The following NUP43 variants were observed in gnomAD, a reference collection of about 807,000 sequenced individuals.
NUP43 encodes nucleoporin 43.
In NUP43, 32 loss-of-function variants were observed where a neutral mutation model predicts 47.3. That is an observed-to-expected ratio of 0.68 (90% confidence interval 0.51 to 0.91). NUP43 has a LOEUF of 0.91. Among genes scored for constraint, NUP43 ranks in the 40% least tolerant of loss-of-function variants. The pLI, the probability that NUP43 is intolerant of heterozygous loss-of-function variation, is 0.00. For missense variants in NUP43, 444 were observed against 453.9 expected (o/e 0.98, Z 0.20); for synonymous variants, 147 against 158.4 (o/e 0.93, Z 0.54).
At chr6:149,743,424 C>T (rs562334103) in intron 3 of NUP43, among the ~76,000 whole-genome samples, 4 of 151,782 alleles carry the variant, frequency 2.6e-5, no homozygotes, top group South Asian at 4.2e-4. Flanking sequence ...GGAGAAACCC[C>T]GTCTCTACTA....
chr6:149,742,302 C>T lies in NUP43; in HGVS notation c.502+88G>A, dbSNP rs555270348. 200 of 1,258,888 alleles carry T rather than the reference C, an allele frequency of 1.6e-4. No individual in the cohort carries two copies. The South Asian group carries it at 1.6e-3, about 10-fold the overall frequency. 78.0% of individuals were successfully genotyped at this position (1,258,888 alleles called of 1,614,324 possible). ...CGGCCTCCCAAAGTGCTGCAATTGC[C>T]GGGGTGAGCCACCACACCCAGCCTA... On this transcript the variant is annotated intron_variant, in intron 4 of 7. Coordinates refer to ENST00000340413, the MANE Select transcript of NUP43 (RefSeq NM_198887.3).
At chr6:149,728,214 A>G (rs890540218) in intron 7 of NUP43, 1 of 983,416 alleles carries the variant, frequency 1.0e-6, no homozygotes. Context: ...AGCAGGATGC[A>G]TATTTTATAT....
At chr6:149,727,926 T>C (rs2115071713) in intron 7 of NUP43, 5 of 984,630 alleles carry the variant, frequency 5.1e-6, no homozygotes, top group Non-Finnish European at 6.0e-6. Context: ...AACAAATGAC[T>C]GAGTACCTAC....
In NUP43 at chr6:149,736,724, A is replaced by T; in HGVS notation, c.639-102T>A. 3 of 1,004,672 alleles carry T rather than the reference A, an allele frequency of 3.0e-6. No homozygotes were observed. The East Asian group carries it at 7.5e-5, about 25-fold the overall frequency. The allele number at this position is 1,004,672 out of a possible 1,614,324, so 62.2% of individuals were successfully genotyped here. A position where few individuals can be genotyped will look rare whatever the true frequency, so the allele number is the denominator to read the frequency against. ...TTTGTTTGTTTTGAGACAAGGCCTC[A>T]CTTACCCAGGCTGGAATGCAGCGCT... is the stretch of plus-strand genomic sequence containing the variant. On this transcript the variant is annotated intron_variant, in intron 5 of 7. Coordinates refer to ENST00000340413, the MANE Select transcript of NUP43 (RefSeq NM_198887.3).
intron 5 of NUP43, among the ~76,000 whole-genome samples, chr6:149,736,874 A>T (rs775312997): frequency 1.3e-5 from 2 of 152,022 alleles, no homozygotes; most frequent in Non-Finnish European, 2.9e-5. Flanking sequence ...ATTTTTGTAG[A>T]GATGGGGTTT....
At chr6:149,746,537 G>A (rs781556452), upstream of NUP43, 7 of 1,613,928 alleles carry the variant, frequency 4.3e-6, no homozygotes, top group Middle Eastern at 1.6e-4. Flanking sequence ...AGCAAGCACA[G>A]TACGCGCCTC....
At chr6:149,745,319 G>A (rs1432562201) in intron 2 of NUP43, among the ~76,000 whole-genome samples, 1 of 151,072 alleles carries the variant, frequency 6.6e-6, no homozygotes, top group Non-Finnish European at 1.5e-5. Flanking sequence ...AGAATCGCTT[G>A]AACCCGGGAA....
intron 2 of NUP43, among the ~76,000 whole-genome samples, chr6:149,744,808 C>G (rs554887881): frequency 6.6e-6 from 1 of 151,472 alleles, no homozygotes; most frequent in Non-Finnish European, 1.5e-5. Flanking sequence ...TGCACTCCAG[C>G]TCGGGTGACA....
At chr6:149,746,122 G>T in intron 1 of NUP43, 60 bp from the exon 2 acceptor site, 2 of 1,576,024 alleles carry the variant, frequency 1.3e-6, no homozygotes, top group Non-Finnish European at 8.6e-7. Flanking sequence ...GAAAATAAAA[G>T]TTGTGCTCCC....
upstream of NUP43, among the ~76,000 whole-genome samples, chr6:149,748,485 G>C (rs553238740): frequency 6.6e-6 from 1 of 152,268 alleles, no homozygotes; most frequent in East Asian, 1.9e-4. Context: ...TGATATAGTG[G>C]CACAGATGTC....
chr6:149,743,772 C>T, intron 2 of NUP43, 57 bp from the exon 3 acceptor site: 2 of 1,100,132 alleles, frequency 1.8e-6, no homozygotes, highest in East Asian at 2.4e-5. Context: ...GGAGGAAGTC[C>T]ATTTGTTTAT....
chr6:149,746,449 G>A lies in NUP43; in HGVS notation c.47C>T (p.Thr16Ile). 1.9e-6 allele frequency: 3 copies of A among 1,614,090 alleles called. No individual in the cohort carries two copies. The highest frequency in any genetic ancestry group is 2.5e-6 in the Non-Finnish European group (3 of 1,180,010). The change falls in exon 1 of 8, where the codon ACC (threonine) becomes ATC (isoleucine). Residue 16 changes from threonine to isoleucine, a missense_variant. Thr to Ile is a moderately conservative substitution (Grantham distance 89). Coordinates refer to ENST00000340413, the MANE Select transcript of NUP43 (RefSeq NM_198887.3). ...AKFVSQKISK[T>I]RWRPLPPGSL... ...TCCCGGAGGCAGCGGTCGCCAGCGG[G>A]TTTTGCTGATTTTCTGGGACACAAA...
chr6:149,726,906 C>A lies in NUP43; in HGVS notation c.*63G>T. ...TATTTTCTGATACTAAAATTTTGCACAGAAGTTGGATTTCAAAAGGCTAAT... is the reference window on the plus strand; with the variant it reads ...TATTTTCTGATACTAAAATTTTGCAAAGAAGTTGGATTTCAAAAGGCTAAT... On this transcript the variant is annotated 3_prime_UTR_variant, in exon 8 of 8. Coordinates refer to ENST00000340413, the MANE Select transcript of NUP43 (RefSeq NM_198887.3). 1.5e-6 allele frequency: 2 copies of A among 1,317,248 alleles called. No homozygotes were observed. Among genetic ancestry groups the A allele is most frequent in the Admixed American group, 1.9e-5 (1 of 52,966 alleles). The allele number at this position is 1,317,248 out of a possible 1,614,324, so 81.6% of individuals were successfully genotyped here.
At chr6:149,744,011 C>T (rs780873557) in intron 2 of NUP43, among the ~76,000 whole-genome samples, 4 of 152,150 alleles carry the variant, frequency 2.6e-5, no homozygotes, top group South Asian at 2.1e-4. Context: ...CAGTGGCTCA[C>T]GCCTGTAATC....
intron 3 of NUP43, 102 bp downstream of exon 3, chr6:149,743,536 G>C: frequency 1.5e-6 from 1 of 656,846 alleles, no homozygotes; most frequent in Non-Finnish European, 2.6e-6. Context: ...TGGAGGCTGC[G>C]GTGAGCCGAG....
intron 5 of NUP43, among the ~76,000 whole-genome samples, chr6:149,737,282 T>C (rs1335803081): frequency 6.8e-6 from 1 of 147,604 alleles, no homozygotes; most frequent in Non-Finnish European, 1.5e-5. Context: ...AGACTCTGTC[T>C]CAAAGAAAAA....
At position 149,743,733 on chromosome 6, in the gene NUP43, G is replaced by C; in HGVS notation, c.244-18C>G. On this transcript the variant is annotated intron_variant, in intron 2 of 7. Coordinates refer to ENST00000340413, the MANE Select transcript of NUP43 (RefSeq NM_198887.3). ...TCAAAAAACTAAAGAGAAAATTTCT[G>C]CTTGTTAAAGATTCAGAAATATTAG... is the stretch of plus-strand genomic sequence containing the variant. 6.5e-7 allele frequency: 1 copy of C among 1,540,372 alleles called. No individual in the cohort carries two copies. Among genetic ancestry groups the C allele is most frequent in the Non-Finnish European group, 8.9e-7 (1 of 1,117,528 alleles).
rs376978692 is a variant in NUP43, at chr6:149,742,414, G to C, written c.478C>G (p.His160Asp). 30 of 1,613,914 alleles carry C rather than the reference G, an allele frequency of 1.9e-5. No individual in the cohort carries two copies. The highest frequency in any genetic ancestry group is 1.8e-4 in the East Asian group (8 of 44,902). The part of the protein sequence containing the change: ...DGRINLFRAD[H>D]KEAVRTIDNA... ...CCTATGGTTCTTACAGCTTCCTTGT[G>C]ATCAGCTCTGAAGAGATTTATTCGA... Residue 160 changes from histidine to aspartate, a missense_variant, in exon 4 of 8, where the codon CAC (histidine) becomes GAC (aspartate). Physicochemically the swap from His to Asp is moderately conservative, Grantham distance 81 (BLOSUM62 -1). Transcript: ENST00000340413.
chr6:149,746,252 G>T, intron 1 of NUP43, 124 bp downstream of exon 1: 1 of 1,441,010 alleles, frequency 6.9e-7, no homozygotes, highest in Non-Finnish European at 9.5e-7. Context: ...GCCTGAGACA[G>T]GGGTCCGGGG....
Sources: allele counts gnomAD v4.1 joint callset (sites outside exome capture counted in the v4.1 genomes callset), GRCh38; gene constraint gnomAD v4.1.1; transcripts MANE v1.5; gene names NCBI Gene and HGNC (gene_info 2026-07-23, HGNC 2026-07-21).